The following DENND5B variants were observed in gnomAD, a reference collection of about 807,000 sequenced individuals.
DENND5B encodes the protein DENN domain containing 5B.
In DENND5B, 34 loss-of-function variants were observed where a neutral mutation model predicts 140.6. That is an observed-to-expected ratio of 0.24 (90% CI 0.18 to 0.32). DENND5B has a LOEUF of 0.32. Ranked by LOEUF, DENND5B falls within the 10% of genes least tolerant of loss-of-function variation. DENND5B has a pLI of 1.00. For missense variants in DENND5B, 1,142 were observed against 1,560.2 expected, an observed-to-expected ratio of 0.73 and a Z score of 4.52; for synonymous variants, 551 against 562.1, an observed-to-expected ratio of 0.98 and a Z score of 0.28.
intron 1 of DENND5B, among the ~76,000 whole-genome samples, chr12:31,566,369 T>TGTGTGTAA (rs1436194599): frequency 1.4e-5 from 2 of 143,906 alleles, no homozygotes; most frequent in Non-Finnish European, 3.1e-5. Context: ...TGTGTGTGTG[T>TGTGTGTAA]GTAATTCAAG....
intron 1 of DENND5B, among the ~76,000 whole-genome samples, chr12:31,505,497 A>C (rs1186918526): frequency 6.6e-6 from 1 of 151,936 alleles, no homozygotes; most frequent in Non-Finnish European, 1.5e-5. Flanking sequence ...TCAGCCTCCC[A>C]AGTGCTGGGA....
chr12:31,400,083 AAAC>A (rs1209920353), intron 15 of DENND5B, among the ~76,000 whole-genome samples: 40 of 152,368 alleles, frequency 2.6e-4, no homozygotes, highest in Admixed American at 1.8e-3. Context: ...GGGAACCCAC[AAAC>A]AACACAGACA....
intron 1 of DENND5B, among the ~76,000 whole-genome samples, chr12:31,544,499 G>C (rs1948787526): frequency 6.6e-6 from 1 of 152,022 alleles, no homozygotes; most frequent in South Asian, 2.1e-4. Context: ...TGCCCAGGCT[G>C]GTCTCGAGGT....
Position 31,385,341 on chromosome 12 carries a change from A to G in DENND5B, c.*2262T>C, listed in dbSNP as rs755653953. 2.0e-5 allele frequency: 3 copies of G among 152,166 alleles called. No individual in the cohort carries two copies. Among genetic ancestry groups the G allele is most frequent in the Non-Finnish European group, 2.9e-5 (2 of 68,030 alleles). The allele number at this position is 152,166 out of a possible 1,614,324, so 9.4% of individuals were successfully genotyped here. Reference sequence around the variant, plus strand: ...TAACCAGCTGTGGGGTAAGTGTAAGATTTAATCTCTCTATTCCTTAAGTGT... The same window carrying G: ...TAACCAGCTGTGGGGTAAGTGTAAGGTTTAATCTCTCTATTCCTTAAGTGT... On this transcript the variant is annotated 3_prime_UTR_variant, in exon 21 of 21. Transcript: ENST00000389082.
rs1200061851 is a variant in DENND5B at position 31,439,575 on chromosome 12, T to TA, written c.2012+3199dup. Among the ~76,000 whole-genome samples, 5 of 152,162 alleles carry TA rather than the reference T, an allele frequency of 3.3e-5. No individual in the cohort carries two copies. The East Asian group carries it at 7.7e-4, about 23-fold the overall frequency. On this transcript the variant is annotated intron_variant, in intron 7 of 20. Transcript: ENST00000389082. ...CGTGGTGACTAGGACAGTCCTCACA[T>TA]ATAGTAAGAGTTCCATAAATATTTG...
chr12:31,390,429 G>A (rs1374797653), intron 19 of DENND5B, among the ~76,000 whole-genome samples: 4 of 151,798 alleles, frequency 2.6e-5, no homozygotes, highest in South Asian at 4.2e-4. Context: ...ACCTGAGTTC[G>A]GGAGTTCGAG....
At chr12:31,399,377 C>T (rs1941676720) in intron 16 of DENND5B, among the ~76,000 whole-genome samples, 2 of 145,608 alleles carry the variant, frequency 1.4e-5, no homozygotes, top group South Asian at 4.4e-4. Context: ...CTCCCGGGTT[C>T]AAGCGATTCT....
chr12:31,409,902 T>C (rs1360719003), intron 13 of DENND5B, among the ~76,000 whole-genome samples: 1 of 152,102 alleles, frequency 6.6e-6, no homozygotes, highest in African/African-American at 2.4e-5. Flanking sequence ...TCCCAAAATG[T>C]TGGGATTATA....
rs1443647468 is a variant in DENND5B at position 31,403,896 on chromosome 12, C to CAAAAAAA, written c.2804-1254_2804-1253insTTTTTTT. Among the ~76,000 whole-genome samples, 3 of 81,628 alleles carry CAAAAAAA rather than the reference C, an allele frequency of 3.7e-5. 1 individual carries two copies. 53.6% of individuals were successfully genotyped at this position (81,628 alleles called of 152,430 possible). A position where few individuals can be genotyped will look rare whatever the true frequency, so the allele number is the denominator to read the frequency against. ...GGGCAACAGGAGTGAAACTCCATCT[C>CAAAAAAA]CAAAAAAAAAAAAAAAAAAAAAAAA... is the stretch of plus-strand genomic sequence containing the variant. On this transcript the variant is annotated intron_variant, in intron 14 of 20. Coordinates refer to ENST00000389082, the MANE Select transcript of DENND5B (RefSeq NM_144973.4).
chr12:31,459,929 G>A (rs1024030003), intron 4 of DENND5B, among the ~76,000 whole-genome samples: 1 of 152,208 alleles, frequency 6.6e-6, no homozygotes, highest in African/African-American at 2.4e-5. Context: ...AAAGCAATGA[G>A]ATCATGCTAC....
intron 7 of DENND5B, among the ~76,000 whole-genome samples, chr12:31,434,951 C>T (rs151016556): frequency 6.6e-6 from 1 of 152,278 alleles, no homozygotes; most frequent in Non-Finnish European, 1.5e-5. Flanking sequence ...TTAGCTCTTC[C>T]ATGCCTTGAC....
intron 1 of DENND5B, among the ~76,000 whole-genome samples, chr12:31,566,521 C>T (rs1949638378): frequency 6.6e-6 from 1 of 152,012 alleles, no homozygotes; most frequent in Non-Finnish European, 1.5e-5. Flanking sequence ...ATAATCCCAG[C>T]ACTTTGGGAG....
chr12:31,405,995 G>A (rs946369066), intron 14 of DENND5B, among the ~76,000 whole-genome samples: 3 of 150,750 alleles, frequency 2.0e-5, no homozygotes, highest in African/African-American at 4.9e-5. Context: ...ACAGGTGTGC[G>A]CCCACCATGC....
intron 1 of DENND5B, among the ~76,000 whole-genome samples, chr12:31,562,628 GAAATA>G (rs1221197995): frequency 2.6e-5 from 4 of 151,636 alleles, no homozygotes; most frequent in Admixed American, 2.6e-4. Context: ...AAAAAAAAAT[GAAATA>G]AAATAAAATA....
chr12:31,563,586 T>C (rs79999645), intron 1 of DENND5B, among the ~76,000 whole-genome samples: 1,727 of 152,290 alleles, frequency 0.011, 19 homozygotes, highest in East Asian at 0.031. Flanking sequence ...AACTTTGAGT[T>C]TGTAAGACCA....
At chr12:31,577,738 C>G (rs930552660) in intron 1 of DENND5B, among the ~76,000 whole-genome samples, 4 of 121,938 alleles carry the variant, frequency 3.3e-5, no homozygotes, top group Admixed American at 2.6e-4. Context: ...AAAAAAAAAT[C>G]TTTAAACTGG....
chr12:31,473,512 T>C (rs1945652358), intron 3 of DENND5B, among the ~76,000 whole-genome samples: 1 of 152,190 alleles, frequency 6.6e-6, no homozygotes, highest in African/African-American at 2.4e-5. Flanking sequence ...GCTCACGCAG[T>C]GTAGAACCGA....
intron 1 of DENND5B, among the ~76,000 whole-genome samples, chr12:31,577,387 T>C (rs1342959004): frequency 6.6e-6 from 1 of 152,224 alleles, no homozygotes; most frequent in African/African-American, 2.4e-5. Context: ...TCTATAAAAA[T>C]AGATTTAAAC....
Position 31,413,573 on chromosome 12 carries a change from T to C in DENND5B, c.2553-9A>G, listed in dbSNP as rs746365231. 8 of 1,606,984 alleles carry C rather than the reference T, an allele frequency of 5.0e-6. No homozygotes were observed. The East Asian group carries it at 1.1e-4, about 22-fold the overall frequency. On this transcript the variant is annotated splice_polypyrimidine_tract_variant and intron_variant, in intron 12 of 20. Transcript: ENST00000389082. ...TCATGTTTTGAATATGCCTAAAGAATAGTGGCAACAGCAAAGATGTAGATT... is the reference window on the plus strand; with the variant it reads ...TCATGTTTTGAATATGCCTAAAGAACAGTGGCAACAGCAAAGATGTAGATT...
Sources: gnomAD v4.1 joint callset for allele counts (sites outside exome capture counted in the v4.1 genomes callset) on GRCh38, gnomAD v4.1.1 for gene constraint, MANE v1.5 for transcripts, NCBI Gene and HGNC (gene_info 2026-07-23, HGNC 2026-07-21) for gene names.